Variants in NDRG2 observed in about 807,000 individuals in gnomAD.
NDRG2 encodes the protein protein NDRG2.
A neutral mutation model predicts 58.2 loss-of-function variants in NDRG2; 34 were observed. That is an observed-to-expected ratio of 0.58 (90% CI 0.44 to 0.78). The LOEUF (loss-of-function observed/expected upper bound fraction) is 0.78. Ranked by LOEUF, NDRG2 falls within the 30% of genes least tolerant of loss-of-function variation. NDRG2 has a pLI of 0.00. For synonymous variants in NDRG2, 187 were observed against 175.9 expected (o/e 1.06, Z -0.50); for missense variants, 434 against 471.2 (o/e 0.92, Z 0.73).
chr14:21,055,633 C>T (rs1220091291), intron 1 of NDRG2, among the ~76,000 whole-genome samples: 3 of 152,184 alleles, frequency 2.0e-5, no homozygotes, highest in Admixed American at 2.0e-4. Context: ...ATGTTTGCAA[C>T]GTATTTGGAA....
At chr14:21,033,417 T>A (rs1467520991) in intron 1 of NDRG2, 5 of 281,384 alleles carry the variant, frequency 1.8e-5, no homozygotes, top group Non-Finnish European at 3.4e-5. Context: ...ATGAGAAGGC[T>A]GGTGGGGATG....
upstream of NDRG2, chr14:21,030,320 A>C: frequency 2.2e-6 from 1 of 451,668 alleles, no homozygotes; most frequent in Non-Finnish European, 4.0e-6. Context: ...TAAAAGAGGT[A>C]GGGGAAAGAG....
chr14:21,064,647 A>C (rs192895022), intron 1 of NDRG2, among the ~76,000 whole-genome samples: 22 of 152,334 alleles, frequency 1.4e-4, no homozygotes, highest in Admixed American at 1.4e-3. Context: ...AATTATACTT[A>C]TGCGTGGAAA....
rs902662890 is a variant in NDRG2 at position 21,024,651 on chromosome 14, A to G, written c.-628T>C. The G allele has an allele frequency of 3.0e-6, 3 of 985,302 alleles. No homozygotes were observed. Among genetic ancestry groups the G allele is most frequent in the Middle Eastern group, 1.0e-3 (2 of 1,936 alleles). The allele number at this position is 985,302 out of a possible 1,614,324, so 61.0% of individuals were successfully genotyped here. On this transcript the variant is annotated 5_prime_UTR_variant, in exon 1 of 16. Coordinates refer to ENST00000556147, the MANE Select transcript of NDRG2 (RefSeq NM_001320329.2). ...AAAGGGAGAGGAGAGCGGTCCCACA[A>G]TCTTCTCCCGTTCTCCCCCGACGGC...
intron 1 of NDRG2, chr14:21,032,164 C>A: frequency 7.3e-7 from 1 of 1,379,206 alleles, no homozygotes; most frequent in Non-Finnish European, 1.0e-6. Flanking sequence ...TCTGTGTGTG[C>A]AGCAGCCAAA....
chr14:21,070,399 G>A lies in NDRG2; in HGVS notation c.24+429C>T, dbSNP rs1222853775. 2 of 1,417,298 alleles carry A rather than the reference G, an allele frequency of 1.4e-6. No individual in the cohort carries two copies. Among genetic ancestry groups the A allele is most frequent in the South Asian group, 1.5e-5 (1 of 66,462 alleles). The allele number at this position is 1,417,298 out of a possible 1,614,324, so 87.8% of individuals were successfully genotyped here. On this transcript the variant is annotated intron_variant, in intron 1 of 14. Coordinates refer to the NDRG2 transcript ENST00000403829. The surrounding 1 kb of genome is among the most constrained non-coding windows in gnomAD (Gnocchi z 4.7). ...CGGACGCGGCCCGGCGCCGAGCCATGGTGAGTCCAGCGTCGCAGCCCCCTG... is the reference window on the plus strand; with the variant it reads ...CGGACGCGGCCCGGCGCCGAGCCATAGTGAGTCCAGCGTCGCAGCCCCCTG...
intron 1 of NDRG2, chr14:21,030,954 C>T: frequency 6.4e-7 from 1 of 1,560,174 alleles, no homozygotes; most frequent in Non-Finnish European, 8.7e-7. Context: ...AAGAGTTGGA[C>T]CTTGGAAGGT....
At chr14:21,031,005 T>G (rs1427431972) in intron 1 of NDRG2, 1 of 1,598,216 alleles carries the variant, frequency 6.3e-7, no homozygotes, top group Admixed American at 1.8e-5. Flanking sequence ...TCTGTCTAAC[T>G]GACCAGGGCC....
Position 21,017,681 on chromosome 14 carries a change from G to C in NDRG2, c.1031C>G (p.Ser344Cys). The C allele has an allele frequency of 6.2e-7, 1 of 1,610,938 alleles. No homozygotes were observed. The highest frequency in any genetic ancestry group is 8.5e-7 in the Non-Finnish European group (1 of 1,178,534). ...GCTCTGGGACAGGGTGCGAGAGCGG[G>C]ACCGGTTGCCATCAACGGATGCTGC... The part of the protein sequence containing the change: ...TSAASVDGNR[S>C]RSRTLSQSSE... Residue 344 changes from serine (S) to cysteine (C), a missense_variant, in exon 16 of 16, where the codon TCC (serine) becomes TGC (cysteine). Ser to Cys is a moderately radical substitution (Grantham distance 112). Transcript: ENST00000556147.
rs1309734110 is a variant in NDRG2 at position 21,018,003 on chromosome 14, C to A, written c.933G>T (p.Leu311=). 3.7e-6 allele frequency: 6 copies of A among 1,614,188 alleles called. No homozygotes were observed. In the East Asian group the frequency reaches 8.9e-5, roughly 24 times the overall value. ...GATACTCACTGTAGCCCATGCCTTGCAGGAAGTACTTGAAGGCCTCGGTCA... is the reference window on the plus strand; with the variant it reads ...GATACTCACTGTAGCCCATGCCTTGAAGGAAGTACTTGAAGGCCTCGGTCA... ...GKLTEAFKYF[L]QGMGYMASSC... Residue 311 remains leucine, a synonymous_variant, in exon 15 of 16, where the codon CTG becomes CTT. Transcript: ENST00000556147.
At chr14:21,022,608 A>C in intron 3 of NDRG2, 111 bp from the exon 4 acceptor site, 2 of 767,702 alleles carry the variant, frequency 2.6e-6, no homozygotes, top group Non-Finnish European at 4.3e-6. Context: ...AAAAGGGAAC[A>C]AAGAATTAAA....
Position 21,069,131 on chromosome 14 carries a change from G to A in NDRG2, c.24+1697C>T, listed in dbSNP as rs150009352. Among the ~76,000 whole-genome samples the A allele has an allele frequency of 1.2e-4, 18 of 152,338 alleles. No individual in the cohort carries two copies. The East Asian group carries it at 3.1e-3, about 26-fold the overall frequency. The stretch of plus-strand genomic sequence containing the variant: ...CTTTAGAAGAGCTCACGGAGCTGCG[G>A]GGCTTCCCGGTGCCTGCTCAGAGGC... On this transcript the variant is annotated intron_variant, in intron 1 of 14. Transcript: ENST00000403829.
intron 1 of NDRG2, among the ~76,000 whole-genome samples, chr14:21,067,781 C>CACACAT (rs1566513946): frequency 6.6e-6 from 1 of 151,712 alleles, no homozygotes; most frequent in African/African-American, 2.4e-5. Flanking sequence ...CACACACACA[C>CACACAT]ACACTTTTAG....
chr14:21,043,634 T>C, intron 1 of NDRG2: 1 of 587,530 alleles, frequency 1.7e-6, no homozygotes, highest in Non-Finnish European at 3.1e-6. Context: ...TCTAGAGGGA[T>C]GGCTTTTCAT....
chr14:21,032,988 A>T, intron 1 of NDRG2: 1 of 456,086 alleles, frequency 2.2e-6, no homozygotes, highest in Admixed American at 2.3e-5. Context: ...GGCCTGCCTC[A>T]TTCGCTGCCT....
intron 2 of NDRG2, 123 bp downstream of exon 2, chr14:21,023,118 T>C: frequency 1.1e-6 from 1 of 932,014 alleles, no homozygotes; most frequent in South Asian, 1.5e-5. Context: ...GGAGAGAGAC[T>C]AGGGTAGTGG....
rs532318180 is a variant in NDRG2, at chr14:21,020,287, C to A, written c.555+209G>T. ...CCAGCCTTGGCAACAGAGTGAGACA[C>A]CATCTCAAAAAAAAAAAAAAAAAGA... On this transcript the variant is annotated intron_variant, in intron 8 of 15. Coordinates refer to ENST00000556147, the MANE Select transcript of NDRG2 (RefSeq NM_001320329.2). 2.8e-4 allele frequency: 143 copies of A among 517,362 alleles called. 1 individual carries two copies. The East Asian group carries it at 4.1e-3, about 15-fold the overall frequency. 32.0% of individuals were successfully genotyped at this position (517,362 alleles called of 1,614,324 possible).
At chr14:21,022,330 T>C in intron 4 of NDRG2, 62 bp downstream of exon 4, 1 of 1,581,972 alleles carries the variant, frequency 6.3e-7, no homozygotes, top group Non-Finnish European at 8.7e-7. Context: ...CTGGGTTTCA[T>C]TTCTACCCTT....
intron 1 of NDRG2, among the ~76,000 whole-genome samples, chr14:21,050,152 AG>A (rs745741897): frequency 6.6e-6 from 1 of 152,232 alleles, no homozygotes; most frequent in African/African-American, 2.4e-5. Context: ...TTGAGACAAA[AG>A]CATGTTCATC....
Sources: allele counts gnomAD v4.1 joint callset (sites outside exome capture counted in the v4.1 genomes callset), GRCh38; gene constraint gnomAD v4.1.1; non-coding constraint Gnocchi (gnomAD v3.1); transcripts MANE v1.5; gene names NCBI Gene and HGNC (gene_info 2026-07-23, HGNC 2026-07-21).